GBP1: variants seen among roughly 807,000 people sequenced by gnomAD.
The protein encoded by GBP1 is guanylate-binding protein 1.
Under a neutral mutation model 69.5 loss-of-function variants are expected in GBP1, and 64 were observed. The ratio of observed to expected loss-of-function variants is 0.92; its 90% CI spans 0.75 to 1.13. GBP1 has a LOEUF of 1.13. Among genes scored for constraint, GBP1 ranks in the 50% most tolerant of loss-of-function variants. The pLI is 0.00. For missense variants in GBP1, 630 were observed against 704.1 expected (o/e 0.89, Z 1.19); for synonymous variants, 250 against 261.2 (o/e 0.96, Z 0.41).
chr1:89,053,570 G>C (rs1679970952), intron 10 of GBP1, 102 bp from the exon 11 acceptor site: 1 of 1,499,982 alleles, frequency 6.7e-7, no homozygotes, highest in Non-Finnish European at 8.9e-7. Context: ...AATTTTCTCT[G>C]AGTCACGCAA....
At position 89,063,161 on chromosome 1, in the gene GBP1, G is replaced by A. The variant is rs766491487; in HGVS notation, c.74C>T (p.Pro25Leu). 1 of 1,614,086 alleles carries A rather than the reference G, an allele frequency of 6.2e-7. No homozygotes were observed. The highest frequency in any genetic ancestry group is 1.7e-5 in the Admixed American group (1 of 60,000). Residue 25 changes from proline to leucine, a missense_variant, in exon 2 of 11, where the codon CCA becomes CTA. Pro to Leu is a moderately conservative substitution (Grantham distance 98). Around this residue, in one of 5 missense-constraint regions of GBP1, gnomAD observed 131 missense variants for 138.5 expected, o/e 0.95. Coordinates refer to ENST00000370473, the MANE Select transcript of GBP1 (RefSeq NM_002053.3). ...GGCAGAAAGGATCTTCAGAGCTTCTGGATTCGCCATCAGTCGCCCATTAGT... is the reference window on the plus strand; with the variant it reads ...GGCAGAAAGGATCTTCAGAGCTTCTAGATTCGCCATCAGTCGCCCATTAGT... ...ENTNGRLMAN[P>L]EALKILSAIT...
intron 1 of GBP1, among the ~76,000 whole-genome samples, chr1:89,063,512 C>T (rs1680257140): frequency 6.6e-6 from 1 of 152,128 alleles, no homozygotes; most frequent in Non-Finnish European, 1.5e-5. Flanking sequence ...GGAAAACTTT[C>T]TTTTTGGATT....
Position 89,056,855 on chromosome 1 carries a change from G to C in GBP1, c.1154C>G (p.Ala385Gly). The C allele has an allele frequency of 6.2e-7, 1 of 1,613,624 alleles. No homozygotes were observed. Among genetic ancestry groups the C allele is most frequent in the Non-Finnish European group, 8.5e-7 (1 of 1,179,628 alleles). ...GTATACATTTGAGACAAAAATTACC[G>C]CTAACTCCTTTTGAAATAGATGGTC... is the stretch of plus-strand genomic sequence containing the variant. Reference protein sequence around the residue: ...DVDHLFQKELAAQLEKKRDDF... With the variant: ...DVDHLFQKELGAQLEKKRDDF... Residue 385 changes from alanine (A) to glycine (G), a missense_variant and splice_region_variant, in exon 7 of 11, where the codon GCG (alanine) becomes GGG (glycine). By Grantham distance (60) the Ala-to-Gly change is moderately conservative. Around this residue, in one of 5 missense-constraint regions of GBP1, gnomAD observed 367 missense variants for 369.5 expected, o/e 0.99. Transcript: ENST00000370473.
Position 89,055,157 on chromosome 1 carries a change from A to G in GBP1, c.1427T>C (p.Leu476Pro). Residue 476 changes from leucine to proline, a missense_variant, in exon 9 of 11, where the codon CTC becomes CCC. Transcript: ENST00000370473. ...KSKESMTDAI[L>P]QTDQTLTEKE... ...TTCTGTGAGAGTCTGGTCTGTCTGGAGAATTGCATCAGTCATAGACTCCTT... is the reference window on the plus strand; with the variant it reads ...TTCTGTGAGAGTCTGGTCTGTCTGGGGAATTGCATCAGTCATAGACTCCTT... 1 of 1,612,736 alleles carries G rather than the reference A, an allele frequency of 6.2e-7. No homozygotes were observed. The highest frequency in any genetic ancestry group is 8.5e-7 in the Non-Finnish European group (1 of 1,179,658).
chr1:89,053,332 G>T lies in GBP1; in HGVS notation c.*23C>A. On this transcript the variant is annotated 3_prime_UTR_variant, in exon 11 of 11. Coordinates refer to ENST00000370473, the MANE Select transcript of GBP1 (RefSeq NM_002053.3). ...ATTGTTTCAATTATGCCTTGGTTAG[G>T]GGTGACAGGAAGGCTCTGGTCTTTA... 1 of 1,580,394 alleles carries T rather than the reference G, an allele frequency of 6.3e-7. No homozygotes were observed.
chr1:89,054,801 T>C lies in GBP1; in HGVS notation c.1546A>G (p.Met516Val). Residue 516 changes from methionine (M) to valine (V), a missense_variant, in exon 10 of 11, where the codon ATG (methionine) becomes GTG (valine). Around this residue, in one of 5 missense-constraint regions of GBP1, gnomAD observed 35 missense variants for 68.6 expected, o/e 0.51. Coordinates refer to ENST00000370473, the MANE Select transcript of GBP1 (RefSeq NM_002053.3). Reference sequence around the variant, plus strand: ...TAACTCCTCTCCTTCTGTTCCATCATCTGCTCATTCTTTCTTTGCATTTCC... The same window carrying C: ...TAACTCCTCTCCTTCTGTTCCATCACCTGCTCATTCTTTCTTTGCATTTCC... ...LQEMQRKNEQ[M>V]MEQKERSYQE... is the part of the protein sequence containing the mutation. 6.2e-7 allele frequency: 1 copy of C among 1,614,254 alleles called. No homozygotes were observed. The highest frequency in any genetic ancestry group is 8.5e-7 in the Non-Finnish European group (1 of 1,180,036).
chr1:89,062,845 G>C (rs1374948617), intron 2 of GBP1, 200 bp downstream of exon 2: 1 of 610,168 alleles, frequency 1.6e-6, no homozygotes, highest in African/African-American at 1.8e-5. Flanking sequence ...TTTTGAAATG[G>C]AAACTAAGGT....
In GBP1 at chr1:89,056,039, C is replaced by T; in HGVS notation, c.1345G>A (p.Glu449Lys). The T allele has an allele frequency of 6.2e-7, 1 of 1,613,952 alleles. No homozygotes were observed. The highest frequency in any genetic ancestry group is 8.5e-7 in the Non-Finnish European group (1 of 1,179,862). The change falls in exon 8 of 11, where the codon GAG becomes AAG. Residue 449 changes from glutamate to lysine, a missense_variant. Physicochemically the swap from Glu to Lys is moderately conservative, Grantham distance 56 (BLOSUM62 1). Coordinates refer to ENST00000370473, the MANE Select transcript of GBP1 (RefSeq NM_002053.3). The stretch of plus-strand genomic sequence containing the variant: ...ACCTGTATCCCCTTCCTCGGTTCCT[C>T]ATAGTACTTTTTCTTCAGGTCTTGT... ...KLQDLKKKYY[E>K]EPRKGIQAEE...
intron 7 of GBP1, among the ~76,000 whole-genome samples, chr1:89,056,558 G>A (rs185298931): frequency 1.3e-5 from 2 of 152,240 alleles, no homozygotes; most frequent in East Asian, 1.9e-4. Flanking sequence ...TTTTCTTTGT[G>A]TTTGGCTAGA....
chr1:89,057,260 G>T, intron 6 of GBP1, 126 bp from the exon 7 acceptor site: 3 of 1,333,250 alleles, frequency 2.3e-6, no homozygotes, highest in Non-Finnish European at 3.1e-6. Flanking sequence ...TCACTTGGAA[G>T]CTTGCTGGAA....
Position 89,059,564 on chromosome 1 carries a change from G to C in GBP1, c.319-138C>G. ...TTTTTTTTTTTTTTTTAACACTAAT[G>C]ACCTATTAAAGGAAGACAAATACAA... On this transcript the variant is annotated intron_variant, in intron 3 of 10. Transcript: ENST00000370473. 3.8e-6 allele frequency: 3 copies of C among 793,796 alleles called. No homozygotes were observed. In the South Asian group the frequency reaches 6.2e-5, roughly 16 times the overall value. The allele number at this position is 793,796 out of a possible 1,614,324, so 49.2% of individuals were successfully genotyped here. A position where few individuals can be genotyped will look rare whatever the true frequency, so the allele number is the denominator to read the frequency against.
chr1:89,064,696 C>A (rs958234120), intron 1 of GBP1, among the ~76,000 whole-genome samples: 11 of 152,164 alleles, frequency 7.2e-5, no homozygotes, highest in Admixed American at 1.3e-4. Context: ...CAGTGGGCTG[C>A]TTACTCTGCT....
At chr1:89,061,706 CAG>C (rs1299931646) in intron 2 of GBP1, among the ~76,000 whole-genome samples, 2 of 151,912 alleles carry the variant, frequency 1.3e-5, no homozygotes, top group Non-Finnish European at 2.9e-5. Flanking sequence ...ACACTATCAA[CAG>C]AGTTAAAAAA....
At chr1:89,062,216 T>C (rs960676459) in intron 2 of GBP1, among the ~76,000 whole-genome samples, 1 of 152,212 alleles carries the variant, frequency 6.6e-6, no homozygotes, top group Non-Finnish European at 1.5e-5. Flanking sequence ...CAGACACCCA[T>C]GTTCCTATTA....
At chr1:89,057,856 G>C in intron 6 of GBP1, 136 bp downstream of exon 6, 2 of 1,016,236 alleles carry the variant, frequency 2.0e-6, no homozygotes, top group Non-Finnish European at 2.9e-6. Flanking sequence ...ATATATGTTA[G>C]AAACATTGGT....
chr1:89,060,910 A>G (rs1680180129), intron 2 of GBP1, among the ~76,000 whole-genome samples: 2 of 152,272 alleles, frequency 1.3e-5, no homozygotes, highest in Non-Finnish European at 2.9e-5. Flanking sequence ...TAAAAAATAG[A>G]AAAGGAAATT....
At chr1:89,063,288 T>C in intron 1 of GBP1, 35 bp from the exon 2 acceptor site, 2 of 1,571,104 alleles carry the variant, frequency 1.3e-6, no homozygotes, top group Admixed American at 1.7e-5. Context: ...TGAGAATTTC[T>C]AGTGTTTTGC....
intron 10 of GBP1, 87 bp downstream of exon 10, chr1:89,054,595 T>C (rs1360946333): frequency 6.5e-6 from 8 of 1,225,194 alleles, no homozygotes; most frequent in Non-Finnish European, 8.2e-6. Context: ...CTGGGCTTCA[T>C]GTTCTCTCTG....
At chr1:89,064,768 C>T (rs1323228467) in intron 1 of GBP1, among the ~76,000 whole-genome samples, 1 of 152,204 alleles carries the variant, frequency 6.6e-6, no homozygotes, top group Non-Finnish European at 1.5e-5. Flanking sequence ...CATTTCTTAG[C>T]TGCATAGAAG....
Sources: allele counts gnomAD v4.1 joint callset (sites outside exome capture counted in the v4.1 genomes callset), GRCh38; gene constraint gnomAD v4.1.1; regional missense constraint gnomAD v4.1.1; transcripts MANE v1.5; gene names NCBI Gene and HGNC (gene_info 2026-07-23, HGNC 2026-07-21).